Variants in OPRM1 observed in about 807,000 individuals in gnomAD.
OPRM1 encodes opioid receptor mu 1, also known as mu-type opioid receptor.
OPRM1 carries 27 observed loss-of-function variants against 31.8 expected under a neutral mutation model. That is an observed-to-expected ratio of 0.85 (90% confidence interval 0.63 to 1.17). OPRM1 has a LOEUF of 1.17. Ranked by LOEUF, OPRM1 falls within the 50% of genes most tolerant of loss-of-function variation. The pLI, the probability that OPRM1 is intolerant of heterozygous loss-of-function variation, is 0.00. For missense variants in OPRM1, 536 were observed against 511.1 expected, an observed-to-expected ratio of 1.05 and a Z score of -0.47; for synonymous variants, 196 against 189.9, an observed-to-expected ratio of 1.03 and a Z score of -0.26.
In OPRM1 at chr6:154,159,944, G is replaced by C. The variant is rs924132141; in HGVS notation, c.1164+68472G>C. ...TGCTGCTGATAGATGTCCTGGATCAGCAGGGTGTTCATGACTTTCCACTCT... is the reference window on the plus strand; with the variant it reads ...TGCTGCTGATAGATGTCCTGGATCACCAGGGTGTTCATGACTTTCCACTCT... On this transcript the variant is annotated intron_variant, in intron 3 of 3. Transcript: ENST00000337049. The C allele has an allele frequency of 3.1e-6, 5 of 1,613,528 alleles. No individual in the cohort carries two copies. Among genetic ancestry groups the C allele is most frequent in the Non-Finnish European group, 4.2e-6 (5 of 1,179,950 alleles).
intron 3 of OPRM1, among the ~76,000 whole-genome samples, chr6:154,209,579 G>A (rs1233608480): frequency 6.6e-6 from 1 of 151,096 alleles, no homozygotes; most frequent in African/African-American, 2.4e-5. Context: ...CCAAGGGTGA[G>A]GCTGCCTTAA....
intron 1 of OPRM1, among the ~76,000 whole-genome samples, chr6:154,027,634 C>A (rs895837326): frequency 6.6e-6 from 1 of 152,230 alleles, no homozygotes; most frequent in Non-Finnish European, 1.5e-5. Context: ...GAGTCAAAAA[C>A]CTTAGAACTC....
chr6:154,166,862 G>A (rs181526748), intron 3 of OPRM1, among the ~76,000 whole-genome samples: 35 of 152,152 alleles, frequency 2.3e-4, no homozygotes, highest in Admixed American at 9.2e-4. Context: ...GTGAAATGGC[G>A]GCCAGTGATA....
chr6:154,029,299 A>G (rs569800784), intron 1 of OPRM1, among the ~76,000 whole-genome samples: 1 of 152,352 alleles, frequency 6.6e-6, no homozygotes, highest in East Asian at 1.9e-4. Context: ...AACACTCTAG[A>G]ATATGAATAA....
chr6:154,178,671 A>G (rs1800567580), intron 3 of OPRM1, among the ~76,000 whole-genome samples: 1 of 152,232 alleles, frequency 6.6e-6, no homozygotes, highest in Non-Finnish European at 1.5e-5. Context: ...AAAATTTCAT[A>G]TATTATGCTC....
rs1419250192 is a variant in OPRM1 at position 154,222,557 on chromosome 6, T to C, written c.1165-24136T>C. ...GAGCACTTGAATGAGAGTCTATAGA[T>C]ACCTGGGTTTACAGCCAGCCCGCTC... is the stretch of plus-strand genomic sequence containing the variant. On this transcript the variant is annotated intron_variant, in intron 3 of 3. Coordinates refer to the OPRM1 transcript ENST00000337049. 3.3e-5 allele frequency among the ~76,000 whole-genome samples: 5 copies of C among 152,316 alleles called. No individual in the cohort carries two copies. In the East Asian group the frequency reaches 7.7e-4, roughly 23 times the overall value.
At chr6:154,196,562 T>A (rs1776639431) in intron 3 of OPRM1, among the ~76,000 whole-genome samples, 2 of 152,216 alleles carry the variant, frequency 1.3e-5, no homozygotes, top group Non-Finnish European at 2.9e-5. Flanking sequence ...GGTTTCTTCA[T>A]TCATTAAGTA....
rs542283032 is a variant in OPRM1, at chr6:154,039,357, G to A, written c.-188G>A. ...GTGGGAGGGGGCTATACGCAGAGGA[G>A]AATGTCAGATGCTCAGCTCGGTCCC... On this transcript the variant is annotated 5_prime_UTR_variant, in exon 1 of 4. Coordinates refer to ENST00000330432, the MANE Select transcript of OPRM1 (RefSeq NM_000914.5). 5 of 1,545,768 alleles carry A rather than the reference G, an allele frequency of 3.2e-6. No individual in the cohort carries two copies. In the African/African-American group the frequency reaches 6.8e-5, roughly 21 times the overall value.
chr6:154,113,932 G>A (rs1036831433), intron 3 of OPRM1, among the ~76,000 whole-genome samples: 1 of 152,118 alleles, frequency 6.6e-6, no homozygotes, highest in South Asian at 2.1e-4. Context: ...ATGAAGTGGC[G>A]AGTGGTGCCA....
chr6:154,056,029 T>A (rs928894297), intron 1 of OPRM1, among the ~76,000 whole-genome samples: 6 of 152,250 alleles, frequency 3.9e-5, no homozygotes, highest in African/African-American at 1.4e-4. Flanking sequence ...TTCATCCCTA[T>A]AAAGAGTCAT....
At chr6:154,107,873 C>T in intron 3 of OPRM1, 2 of 683,428 alleles carry the variant, frequency 2.9e-6, no homozygotes, top group Non-Finnish European at 2.7e-6. Context: ...CCTCATAACA[C>T]AAAATACACC....
At chr6:154,092,844 C>A (rs909282427) in intron 3 of OPRM1, among the ~76,000 whole-genome samples, 8 of 152,140 alleles carry the variant, frequency 5.3e-5, no homozygotes, top group Non-Finnish European at 1.0e-4. Context: ...GATGGCAGAC[C>A]CACTTCCAGA....
At chr6:154,243,872 C>T (rs141019024) in intron 3 of OPRM1, among the ~76,000 whole-genome samples, 8 of 152,272 alleles carry the variant, frequency 5.3e-5, no homozygotes, top group Non-Finnish European at 1.0e-4. Flanking sequence ...ACAACTACTA[C>T]CTCTCAGGGT....
At chr6:154,059,192 T>G (rs1783919699) in intron 1 of OPRM1, among the ~76,000 whole-genome samples, 1 of 152,206 alleles carries the variant, frequency 6.6e-6, no homozygotes. Context: ...CCTGTCTCCT[T>G]GCAAGTCAAA....
chr6:154,011,863 G>A (rs1041758834), intron 1 of OPRM1, among the ~76,000 whole-genome samples: 1 of 152,030 alleles, frequency 6.6e-6, no homozygotes, highest in Non-Finnish European at 1.5e-5. Flanking sequence ...TTAACATTAT[G>A]AAAAAAGATT....
chr6:154,237,042 G>T (rs2128632191), intron 3 of OPRM1, among the ~76,000 whole-genome samples: 1 of 152,224 alleles, frequency 6.6e-6, no homozygotes, highest in Non-Finnish European at 1.5e-5. Flanking sequence ...ATGCTCTATG[G>T]AAGATTAAAC....
At chr6:154,100,173 A>G (rs1463888948) in intron 3 of OPRM1, among the ~76,000 whole-genome samples, 1 of 117,128 alleles carries the variant, frequency 8.5e-6, no homozygotes, top group African/African-American at 3.8e-5. Context: ...CATAATATAT[A>G]TTATCATATT....
intron 3 of OPRM1, among the ~76,000 whole-genome samples, chr6:154,222,673 A>C (rs1310313721): frequency 6.6e-6 from 1 of 152,162 alleles, no homozygotes; most frequent in Non-Finnish European, 1.5e-5. Context: ...GGTCCCTGTC[A>C]GTGCTCAAAT....
chr6:154,180,018 T>C (rs552573013), intron 3 of OPRM1, among the ~76,000 whole-genome samples: 2 of 152,324 alleles, frequency 1.3e-5, no homozygotes, highest in Non-Finnish European at 2.9e-5. Flanking sequence ...TTTCATGCAA[T>C]GCTAGCCTCA....
Sources: gnomAD v4.1 joint callset for allele counts (sites outside exome capture counted in the v4.1 genomes callset) on GRCh38, gnomAD v4.1.1 for gene constraint, MANE v1.5 for transcripts, NCBI Gene and HGNC (gene_info 2026-07-23, HGNC 2026-07-21) for gene names.